The following NRF1 variants were observed in gnomAD, a reference collection of about 807,000 sequenced individuals.
NRF1 encodes the protein nuclear respiratory factor 1.
NRF1 carries 5 observed loss-of-function variants against 58.5 expected under a neutral mutation model. The ratio of observed to expected loss-of-function variants is 0.09; its 90% CI spans 0.04 to 0.18. NRF1 has a LOEUF of 0.18. Among genes scored for constraint, NRF1 ranks in the 10% least tolerant of loss-of-function variants. The pLI, the probability that NRF1 is intolerant of heterozygous loss-of-function variation, is 1.00. For missense variants in NRF1, 288 were observed against 657.7 expected, an observed-to-expected ratio of 0.44 and a Z score of 6.15; for synonymous variants, 224 against 246.7, an observed-to-expected ratio of 0.91 and a Z score of 0.86.
chr7:129,706,558 G>C (rs1156839617), intron 5 of NRF1, among the ~76,000 whole-genome samples: 1 of 152,230 alleles, frequency 6.6e-6, no homozygotes, highest in African/African-American at 2.4e-5. Context: ...GCCGGGGAAA[G>C]GGTGGTTTTC....
At chr7:129,629,926 AG>A (rs1485368114) in intron 1 of NRF1, 1 of 152,220 alleles carries the variant, frequency 6.6e-6, no homozygotes, top group Non-Finnish European at 1.5e-5. Context: ...CATTGAGAAA[AG>A]GCAAATAGCA....
chr7:129,731,124 TAGAC>T (rs1803567257), intron 10 of NRF1, among the ~76,000 whole-genome samples: 2 of 151,770 alleles, frequency 1.3e-5, no homozygotes, highest in South Asian at 2.1e-4. Context: ...TACAAAAAAT[TAGAC>T]AGGCATGGTG....
At chr7:129,648,670 A>G (rs1801467323) in intron 1 of NRF1, among the ~76,000 whole-genome samples, 1 of 151,774 alleles carries the variant, frequency 6.6e-6, no homozygotes, top group Non-Finnish European at 1.5e-5. Flanking sequence ...TACTGTTTCC[A>G]TCTCCTGCTA....
At chr7:129,624,988 A>G (rs1800882124) in intron 1 of NRF1, among the ~76,000 whole-genome samples, 1 of 152,124 alleles carries the variant, frequency 6.6e-6, no homozygotes, top group African/African-American at 2.4e-5. Flanking sequence ...TAAAACCACA[A>G]ACTTAGTGGT....
At position 129,690,301 on chromosome 7, in the gene NRF1, T is replaced by C. The variant is rs530757255; in HGVS notation, c.466-105T>C. Reference sequence around the variant, plus strand: ...GTAGAAGTGTTTGTTTTTAAGGCTATGCAATGGCTCAGGAAGGCCAGCCCC... The same window carrying C: ...GTAGAAGTGTTTGTTTTTAAGGCTACGCAATGGCTCAGGAAGGCCAGCCCC... On this transcript the variant is annotated intron_variant, in intron 4 of 10. Coordinates refer to ENST00000393232, the MANE Select transcript of NRF1 (RefSeq NM_005011.5). 41 of 1,108,798 alleles carry C rather than the reference T, an allele frequency of 3.7e-5. No homozygotes were observed. The African/African-American group carries it at 6.3e-4, about 17-fold the overall frequency. The allele number at this position is 1,108,798 out of a possible 1,614,324, so 68.7% of individuals were successfully genotyped here. A position where few individuals can be genotyped will look rare whatever the true frequency, so the allele number is the denominator to read the frequency against.
At position 129,755,106 on chromosome 7, in the gene NRF1, T is replaced by C; in HGVS notation, c.1437T>C (p.Pro479=). The change falls in exon 11 of 11, where the codon CCT becomes CCC. Residue 479 remains proline (P), a synonymous_variant. Coordinates refer to ENST00000393232, the MANE Select transcript of NRF1 (RefSeq NM_005011.5). This position sits in a 1 kb window ranked among gnomAD's most constrained non-coding sequence, Gnocchi z 5.8. ...GNGPVQVAMA[P]VTTRISDSAV... ...GACCAGTGCAGGTGGCCATGGCCCC[T>C]GTGACCACCAGGATATCAGACAGCG... 1 of 1,613,970 alleles carries C rather than the reference T, an allele frequency of 6.2e-7. No individual in the cohort carries two copies. The highest frequency in any genetic ancestry group is 8.5e-7 in the Non-Finnish European group (1 of 1,179,950).
chr7:129,644,619 A>G (rs1035020078), intron 1 of NRF1, among the ~76,000 whole-genome samples: 1 of 152,228 alleles, frequency 6.6e-6, no homozygotes, highest in African/African-American at 2.4e-5. Flanking sequence ...GTCCAGCTAC[A>G]GTTTTGGACA....
At chr7:129,687,878 A>G (rs948591910) in intron 4 of NRF1, among the ~76,000 whole-genome samples, 1 of 152,254 alleles carries the variant, frequency 6.6e-6, no homozygotes, top group African/African-American at 2.4e-5. Context: ...ACTTAACTTT[A>G]GTAAGCAAGC....
Position 129,713,025 on chromosome 7 carries a change from G to A in NRF1, c.1065+1449G>A, listed in dbSNP as rs139950552. On this transcript the variant is annotated intron_variant, in intron 8 of 10. Coordinates refer to ENST00000393232, the MANE Select transcript of NRF1 (RefSeq NM_005011.5). ...GGTACTATTTAAAGAAAGTAACTTC[G>A]TTTCCTTCTGTATAAAATAATTTGT... 9.8e-3 allele frequency among the ~76,000 whole-genome samples: 1,463 copies of A among 149,990 alleles called. 10 individuals are homozygous for A. The highest frequency in any genetic ancestry group is 0.02 in the African/African-American group (801 of 40,806).
intron 9 of NRF1, among the ~76,000 whole-genome samples, chr7:129,722,450 A>T (rs1470252500): frequency 6.6e-6 from 1 of 151,898 alleles, no homozygotes; most frequent in African/African-American, 2.4e-5. Context: ...CATAAAGTTG[A>T]GTGTAAAAGG....
Position 129,739,465 on chromosome 7 carries a change from G to T in NRF1, c.1348+12100G>T, listed in dbSNP as rs117454223. On this transcript the variant is annotated intron_variant, in intron 10 of 10. Transcript: ENST00000393232. ...GCAAGTTGTACCCTCTCTGTACAGG[G>T]GAGGACAACACAAATACTTCATGAG... Among the ~76,000 whole-genome samples, 1,130 of 151,944 alleles carry T rather than the reference G, an allele frequency of 7.4e-3. 8 individuals are homozygous for T. Among genetic ancestry groups the T allele is most frequent in the Non-Finnish European group, 0.013 (868 of 67,968 alleles).
intron 1 of NRF1, among the ~76,000 whole-genome samples, chr7:129,629,424 C>A (rs1367794630): frequency 1.3e-5 from 2 of 152,164 alleles, no homozygotes; most frequent in African/African-American, 4.8e-5. Context: ...GTTACAGCTG[C>A]CACCACACGC....
intron 2 of NRF1, among the ~76,000 whole-genome samples, chr7:129,665,914 C>G (rs1434023712): frequency 6.6e-6 from 1 of 152,138 alleles, no homozygotes; most frequent in East Asian, 1.9e-4. Flanking sequence ...GGGCCTAGCC[C>G]TAGAGGACTT....
chr7:129,619,736 GTT>G (rs34136401), intron 1 of NRF1, among the ~76,000 whole-genome samples: 4 of 125,658 alleles, frequency 3.2e-5, no homozygotes, highest in Admixed American at 2.4e-4. Flanking sequence ...TGTTTGGGTT[GTT>G]TTTTTTTTTT....
intron 5 of NRF1, among the ~76,000 whole-genome samples, chr7:129,698,260 T>A (rs1432032569): frequency 6.8e-6 from 1 of 147,938 alleles, no homozygotes; most frequent in Admixed American, 7.1e-5. Flanking sequence ...TCTGTTTTTA[T>A]TATTATAACT....
intron 8 of NRF1, among the ~76,000 whole-genome samples, chr7:129,714,009 C>T (rs1803134041): frequency 6.6e-6 from 1 of 152,210 alleles, no homozygotes; most frequent in South Asian, 2.1e-4. Context: ...GAATATCTTC[C>T]TCTCCTAGGG....
Position 129,626,505 on chromosome 7 carries a change from A to G in NRF1, c.-7+14681A>G, listed in dbSNP as rs118184554. ...ATTGGTGATTGAACTTATATTGGAT[A>G]AAGTATTTGGATGCAAGGGCACCCT... On this transcript the variant is annotated intron_variant, in intron 1 of 10. Transcript: ENST00000393232. Among the ~76,000 whole-genome samples, 833 of 152,358 alleles carry G rather than the reference A, an allele frequency of 5.5e-3. 1 individual carries two copies. Among genetic ancestry groups the G allele is most frequent in the Middle Eastern group, 0.01 (3 of 294 alleles).
At chr7:129,687,396 C>T (rs1802466443) in intron 4 of NRF1, among the ~76,000 whole-genome samples, 1 of 152,076 alleles carries the variant, frequency 6.6e-6, no homozygotes, top group Non-Finnish European at 1.5e-5. Context: ...CTACCTCAGC[C>T]TCCCAAGTAG....
intron 1 of NRF1, among the ~76,000 whole-genome samples, chr7:129,629,215 A>G (rs772162021): frequency 5.3e-5 from 8 of 151,970 alleles, no homozygotes; most frequent in Non-Finnish European, 1.2e-4. Context: ...TGGAGTAAAA[A>G]TTGTATTCCT....
Sources: allele counts gnomAD v4.1 joint callset (sites outside exome capture counted in the v4.1 genomes callset), GRCh38; gene constraint gnomAD v4.1.1; non-coding constraint Gnocchi (gnomAD v3.1); transcripts MANE v1.5; gene names NCBI Gene and HGNC (gene_info 2026-07-23, HGNC 2026-07-21).